Variants in EVC observed in about 807,000 individuals in gnomAD.
The protein encoded by EVC is EvC ciliary complex subunit 1, also known as evC complex member EVC.
In EVC, 116 loss-of-function variants were observed where a neutral mutation model predicts 118.9. The observed-to-expected ratio is 0.98, with a 90% CI of 0.84 to 1.14. EVC has a LOEUF of 1.14. EVC is among the 50% of genes most tolerant of loss of function. The pLI, the probability that EVC is intolerant of heterozygous loss-of-function variation, is 0.00. For missense variants in EVC, 1,401 were observed against 1,246.4 expected (o/e 1.12, Z -1.87); for synonymous variants, 619 against 534.7 (o/e 1.16, Z -2.18).
At chr4:5,723,355 A>G (rs960111079) in intron 2 of EVC, among the ~76,000 whole-genome samples, 1 of 151,660 alleles carries the variant, frequency 6.6e-6, no homozygotes, top group Non-Finnish European at 1.5e-5. Context: ...ACACCCAGCT[A>G]ATTTGTGTAT....
chr4:5,807,479 G>A (rs1389050217), intron 17 of EVC, among the ~76,000 whole-genome samples: 6 of 152,190 alleles, frequency 3.9e-5, no homozygotes, highest in East Asian at 3.9e-4. Context: ...ACCCCTTTCA[G>A]AAAATCTGCC....
At chr4:5,740,246 G>A (rs1161834678) in intron 5 of EVC, among the ~76,000 whole-genome samples, 1 of 152,050 alleles carries the variant, frequency 6.6e-6, no homozygotes, top group Non-Finnish European at 1.5e-5. Context: ...TGAGGTGGGT[G>A]GATCACTTGA....
intron 5 of EVC, 26 bp downstream of exon 5, chr4:5,733,461 C>T (rs769320341): frequency 1.3e-6 from 2 of 1,588,792 alleles, no homozygotes; most frequent in Non-Finnish European, 1.7e-6. Context: ...CGCATTCCCT[C>T]CTTTTCATGG....
downstream of EVC, among the ~76,000 whole-genome samples, chr4:5,816,306 A>G (rs549680847): frequency 1.3e-5 from 2 of 152,126 alleles, no homozygotes; most frequent in African/African-American, 2.4e-5. Context: ...TGGGTCCCCA[A>G]CGGCAAGGAG....
At chr4:5,734,953 G>T (rs1727432586) in intron 5 of EVC, among the ~76,000 whole-genome samples, 1 of 152,150 alleles carries the variant, frequency 6.6e-6, no homozygotes, top group Non-Finnish European at 1.5e-5. Context: ...TCTGGGCTCA[G>T]AGCCTGTCCA....
At chr4:5,757,889 C>G (rs151163491) in intron 11 of EVC, among the ~76,000 whole-genome samples, 1 of 147,042 alleles carries the variant, frequency 6.8e-6, no homozygotes, top group Admixed American at 6.7e-5. Context: ...GGGCTTCAAC[C>G]TAAGAATTTT....
At chr4:5,828,961 TTGAC>T in the EVC span, among the ~76,000 whole-genome samples, 2 of 152,170 alleles carry the variant, frequency 1.3e-5, no homozygotes, top group Non-Finnish European at 2.9e-5. Context: ...TGTGGCTGCT[TTGAC>T]TGTACTGGAC....
the EVC span, chr4:5,821,856 AAG>A: frequency 6.4e-6 from 10 of 1,566,050 alleles, no homozygotes; most frequent in Admixed American, 1.7e-5. The surrounding 1 kb of genome is among the most constrained non-coding windows in gnomAD (Gnocchi z 4.4). Flanking sequence ...GGGCACCTGA[AAG>A]AGAGCGCCAA....
chr4:5,816,965 T>A (rs935802802), downstream of EVC, among the ~76,000 whole-genome samples: 1 of 152,114 alleles, frequency 6.6e-6, no homozygotes, highest in South Asian at 2.1e-4. Flanking sequence ...GTCCATGTTC[T>A]CCTTTCTCTG....
chr4:5,741,894 TTC>T (rs1728647286), intron 6 of EVC, 80 bp downstream of exon 6: 3 of 692,456 alleles, frequency 4.3e-6, no homozygotes, highest in Admixed American at 2.7e-5. Flanking sequence ...AAAAATTTTT[TTC>T]TTTCATGTAT....
the EVC span, among the ~76,000 whole-genome samples, chr4:5,822,163 C>T: frequency 1.3e-5 from 2 of 152,224 alleles, no homozygotes; most frequent in African/African-American, 2.4e-5. Flanking sequence ...TGTGTGCAGG[C>T]GCACATTTGG....
the EVC span, among the ~76,000 whole-genome samples, chr4:5,819,629 T>G: frequency 6.6e-6 from 1 of 152,188 alleles, no homozygotes; most frequent in East Asian, 1.9e-4. Context: ...CTGCTTCTGC[T>G]TCCACTTCCA....
chr4:5,797,772 T>C (rs1283661891), intron 14 of EVC, among the ~76,000 whole-genome samples: 1 of 152,152 alleles, frequency 6.6e-6, no homozygotes, highest in Non-Finnish European at 1.5e-5. Context: ...GTACCAAAAG[T>C]TTTTAGTATC....
intron 1 of EVC, among the ~76,000 whole-genome samples, chr4:5,712,502 C>T (rs1050902220): frequency 1.3e-5 from 2 of 152,168 alleles, no homozygotes; most frequent in African/African-American, 2.4e-5. Flanking sequence ...GGTATGGCCA[C>T]TATTTTAGGT....
chr4:5,807,654 A>C (rs1437909846), intron 17 of EVC, among the ~76,000 whole-genome samples: 1 of 140,458 alleles, frequency 7.1e-6, no homozygotes. Context: ...TCTGAGAGTA[A>C]CAGGCTGCCT....
In EVC at chr4:5,798,952, A is replaced by T. The variant is rs945244732; in HGVS notation, c.2304+160A>T. 2.0e-5 allele frequency among the ~76,000 whole-genome samples: 3 copies of T among 152,072 alleles called. No homozygotes were observed. The highest frequency in any genetic ancestry group is 4.8e-5 in the African/African-American group (2 of 41,424). ...TTGATTTTCTCATCTGTAAGGTGGG[A>T]TCTTCTCCCTCGCAGAATGGGGAGG... is the stretch of plus-strand genomic sequence containing the variant. On this transcript the variant is annotated intron_variant, in intron 15 of 20. Coordinates refer to ENST00000264956, the MANE Select transcript of EVC (RefSeq NM_153717.3). This position sits in a 1 kb window ranked among gnomAD's most constrained non-coding sequence, Gnocchi z 4.1.
chr4:5,828,985 A>C, the EVC span, among the ~76,000 whole-genome samples: 1 of 152,176 alleles, frequency 6.6e-6, no homozygotes, highest in Non-Finnish European at 1.5e-5. Flanking sequence ...CATAAAAATA[A>C]GTAAAATGTT....
At chr4:5,773,333 G>C (rs1016385777) in intron 11 of EVC, among the ~76,000 whole-genome samples, 1 of 152,098 alleles carries the variant, frequency 6.6e-6, no homozygotes, top group Non-Finnish European at 1.5e-5. Context: ...AGCTGATCTA[G>C]GCTGGGCTTG....
At chr4:5,763,237 G>T (rs1427338202) in intron 11 of EVC, among the ~76,000 whole-genome samples, 2 of 143,264 alleles carry the variant, frequency 1.4e-5, no homozygotes, top group Non-Finnish European at 1.5e-5. Flanking sequence ...ATTTCTGAGG[G>T]CTCTGTTCTG....
Sources: allele counts gnomAD v4.1 joint callset (sites outside exome capture counted in the v4.1 genomes callset), GRCh38; gene constraint gnomAD v4.1.1; non-coding constraint Gnocchi (gnomAD v3.1); transcripts MANE v1.5; gene names NCBI Gene and HGNC (gene_info 2026-07-23, HGNC 2026-07-21).